Variants in DDX4 observed in about 807,000 individuals in gnomAD.
The protein encoded by DDX4 is DEAD-box helicase 4.
DDX4 carries 25 observed loss-of-function variants against 100.0 expected under a neutral mutation model. The observed-to-expected ratio is 0.25, with a 90% CI of 0.18 to 0.35. The LOEUF (loss-of-function observed/expected upper bound fraction) is 0.35. Ranked by LOEUF, DDX4 falls within the 10% of genes least tolerant of loss-of-function variation. The pLI, the probability that DDX4 is intolerant of heterozygous loss-of-function variation, is 1.00. For missense variants in DDX4, 635 were observed against 882.4 expected (o/e 0.72, Z 3.55); for synonymous variants, 259 against 275.7 (o/e 0.94, Z 0.60).
At chr5:55,780,403 C>T (rs928659223) in intron 8 of DDX4, among the ~76,000 whole-genome samples, 6 of 152,174 alleles carry the variant, frequency 3.9e-5, no homozygotes, top group African/African-American at 1.2e-4. Flanking sequence ...TACCTTCTTT[C>T]ACCAGTGTGG....
chr5:55,811,150 G>A (rs545299531), intron 18 of DDX4, among the ~76,000 whole-genome samples: 17 of 151,828 alleles, frequency 1.1e-4, no homozygotes, highest in Admixed American at 3.3e-4. Flanking sequence ...TCTCATAAGC[G>A]AAAGCATTAA....
At chr5:55,765,416 ATAT>A (rs1740853229) in intron 6 of DDX4, among the ~76,000 whole-genome samples, 1 of 117,598 alleles carries the variant, frequency 8.5e-6, no homozygotes, top group Non-Finnish European at 1.8e-5. Context: ...AAAAAAAAAT[ATAT>A]ATATATATAT....
intron 18 of DDX4, among the ~76,000 whole-genome samples, chr5:55,804,798 C>G (rs1031378788): frequency 1.3e-5 from 2 of 151,996 alleles, no homozygotes; most frequent in African/African-American, 4.8e-5. Flanking sequence ...ATTGACTTGG[C>G]GATGCGGGCT....
chr5:55,755,807 A>G (rs1368551212), intron 3 of DDX4, among the ~76,000 whole-genome samples: 2 of 152,124 alleles, frequency 1.3e-5, no homozygotes, highest in African/African-American at 4.8e-5. Context: ...AGCTCACTTA[A>G]TTATCAGAAG....
rs147185485 is a variant in DDX4 at position 55,748,800 on chromosome 5, A to G, written c.127+2579A>G. Among the ~76,000 whole-genome samples, 425 of 152,300 alleles carry G rather than the reference A, an allele frequency of 2.8e-3. 1 individual carries two copies. Among genetic ancestry groups the G allele is most frequent in the African/African-American group, 9.4e-3 (391 of 41,572 alleles). On this transcript the variant is annotated intron_variant, in intron 3 of 21. Coordinates refer to ENST00000505374, the MANE Select transcript of DDX4 (RefSeq NM_024415.3). ...CTAAATTTAGCTACCATTGATGTCT[A>G]TTGACTCTGATTTTTTAGATTCCTG... is the stretch of plus-strand genomic sequence containing the variant.
chr5:55,809,992 G>A (rs1273783122), intron 18 of DDX4, among the ~76,000 whole-genome samples: 1 of 151,980 alleles, frequency 6.6e-6, no homozygotes, highest in African/African-American at 2.4e-5. Flanking sequence ...TTTGGATGGT[G>A]AGAGAACTTA....
At chr5:55,746,036 A>C (rs1420879553) in intron 2 of DDX4, 128 bp from the exon 3 acceptor site, 2 of 689,694 alleles carry the variant, frequency 2.9e-6, no homozygotes, top group South Asian at 4.1e-5. Context: ...GATTTAGAAA[A>C]CCTTACAGTC....
chr5:55,809,460 C>T (rs7445404), intron 18 of DDX4, among the ~76,000 whole-genome samples: 2 of 152,118 alleles, frequency 1.3e-5, no homozygotes, highest in East Asian at 1.9e-4. Flanking sequence ...CTTGGCTCCA[C>T]CCCTGATTAA....
intron 6 of DDX4, among the ~76,000 whole-genome samples, chr5:55,765,577 A>G (rs1248278094): frequency 6.6e-6 from 1 of 151,730 alleles, no homozygotes; most frequent in African/African-American, 2.4e-5. Context: ...AAGCTGGTAT[A>G]TTGTAGTGAT....
intron 10 of DDX4, among the ~76,000 whole-genome samples, chr5:55,784,233 A>G (rs1742105753): frequency 6.6e-6 from 1 of 152,180 alleles, no homozygotes; most frequent in South Asian, 2.1e-4. Flanking sequence ...TACAAGTCCT[A>G]GAGTCCAAAG....
chr5:55,763,939 A>G (rs1740727833), intron 5 of DDX4, 75 bp from the exon 6 acceptor site: 3 of 1,008,146 alleles, frequency 3.0e-6, no homozygotes. Context: ...AAGGCATCAT[A>G]ACTAGTAGTT....
intron 18 of DDX4, among the ~76,000 whole-genome samples, chr5:55,812,890 G>C (rs1404296991): frequency 6.6e-6 from 1 of 151,454 alleles, no homozygotes; most frequent in Admixed American, 6.6e-5. Flanking sequence ...AAACATGACA[G>C]GCATCTAGTA....
intron 18 of DDX4, among the ~76,000 whole-genome samples, chr5:55,810,786 A>C (rs114240629): frequency 0.027 from 4,114 of 152,212 alleles, 78 homozygotes; most frequent in South Asian, 0.051. Flanking sequence ...TCTTCTTCTA[A>C]ATTTTTAATT....
At chr5:55,782,129 A>G in intron 10 of DDX4, 148 bp downstream of exon 10, 1 of 829,942 alleles carries the variant, frequency 1.2e-6, no homozygotes, top group South Asian at 1.7e-5. Context: ...AGGACCATAA[A>G]TTTACACAGC....
In DDX4 at chr5:55,738,690, C is replaced by CT. The variant is rs148268314; in HGVS notation, c.-14-259dup. Among the ~76,000 whole-genome samples, 213 of 152,226 alleles carry CT rather than the reference C, an allele frequency of 1.4e-3. 1 individual carries two copies. Among genetic ancestry groups the CT allele is most frequent in the African/African-American group, 5.0e-3 (207 of 41,534 alleles). On this transcript the variant is annotated intron_variant, in intron 1 of 21. Transcript: ENST00000505374. ...CTATGAACAGATGTTTGGGAAAAGC[C>CT]TAAGTCTTGCTGGGGACATGGCGAT...
At chr5:55,780,137 C>A in intron 8 of DDX4, 72 bp downstream of exon 8, 1 of 1,562,756 alleles carries the variant, frequency 6.4e-7, no homozygotes. Flanking sequence ...AAATACGTAT[C>A]AAAGAAGGTT....
intron 2 of DDX4, among the ~76,000 whole-genome samples, chr5:55,741,909 G>T (rs1758998963): frequency 6.6e-6 from 1 of 152,060 alleles, no homozygotes. Flanking sequence ...AACTGAATTT[G>T]GTTTTCAAGA....
At chr5:55,785,191 A>T in intron 10 of DDX4, 106 bp from the exon 11 acceptor site, 1 of 751,356 alleles carries the variant, frequency 1.3e-6, no homozygotes, top group Non-Finnish European at 2.3e-6. Flanking sequence ...TAAGAAGGGA[A>T]TTTAAAGTTT....
chr5:55,740,672 A>ATTT (rs11294945), intron 2 of DDX4, among the ~76,000 whole-genome samples: 83 of 113,622 alleles, frequency 7.3e-4, no homozygotes, highest in African/African-American at 2.9e-3. Flanking sequence ...CGCCCCGCTA[A>ATTT]TTTTTTTTTT....
Sources: allele counts gnomAD v4.1 joint callset (sites outside exome capture counted in the v4.1 genomes callset), GRCh38; gene constraint gnomAD v4.1.1; transcripts MANE v1.5; gene names NCBI Gene and HGNC (gene_info 2026-07-23, HGNC 2026-07-21).